Variants in CCDC78 observed in about 807,000 individuals in gnomAD.
CCDC78 encodes coiled-coil domain-containing protein 78.
Under a neutral mutation model 61.9 loss-of-function variants are expected in CCDC78, and 78 were observed. That is an observed-to-expected ratio of 1.26 (90% CI 1.05 to 1.52). The LOEUF (loss-of-function observed/expected upper bound fraction) is 1.52, where lower values mean the gene tolerates loss of function less well. Ranked by LOEUF, CCDC78 falls within the 40% of genes most tolerant of loss-of-function variation. CCDC78 has a pLI of 0.00. For missense variants in CCDC78, 737 were observed against 615.5 expected, an observed-to-expected ratio of 1.20 and a Z score of -2.09; for synonymous variants, 287 against 251.9, an observed-to-expected ratio of 1.14 and a Z score of -1.32.
rs763023973 is a variant in CCDC78 at position 726,358 on chromosome 16, C to T, written c.10G>A (p.Ala4Thr). The change falls in exon 1 of 14, where the codon GCA becomes ACA. Residue 4 changes from alanine (A) to threonine (T), a missense_variant. Physicochemically the swap from Ala to Thr is moderately conservative, Grantham distance 58. Transcript: ENST00000345165. MEHAATTGPRPGPP... is the reference protein window; with the variant it reads MEHTATTGPRPGPP... ...CCAGGCCTGGGGCCTGTGGTGGCTG[C>T]GTGCTCCATAGGCTAGGGAACCCTG... The T allele has an allele frequency of 1.0e-5, 16 of 1,540,098 alleles. No individual in the cohort carries two copies. Among genetic ancestry groups the T allele is most frequent in the South Asian group, 4.8e-5 (4 of 83,672 alleles).
rs778093019 is a variant in CCDC78 at position 722,727 on chromosome 16, C to A, written c.1364G>T (p.Gly455Val). 5.0e-6 allele frequency: 8 copies of A among 1,611,326 alleles called. No individual in the cohort carries two copies. The South Asian group carries it at 7.7e-5, about 15-fold the overall frequency. ...LAGAGDPWKV[G>V]AVPPAKPQHP... ...CTGGGGCTTGGCTGGAGGCACAGCC[C>A]CCACTTTCCAGGGGTCCCCTGCACC... The change falls in exon 14 of 14, where the codon GGG becomes GTG. Residue 455 changes from glycine (G) to valine (V), a missense_variant. Physicochemically the swap from Gly to Val is moderately radical, Grantham distance 109 (BLOSUM62 -3). Transcript: ENST00000345165.
chr16:724,792 G>A lies in CCDC78; in HGVS notation c.654C>T (p.Cys218=). ...CCTCTGCCTGACGGAGCTGGCCTTG[G>A]CAGCTGCACAGCACCTGGGGTGGAA... The part of the protein sequence containing the change: ...LATQAVVLCS[C]QGQLRQAEAE... The change falls in exon 8 of 14, where the codon TGC becomes TGT. Residue 218 remains cysteine (C), a synonymous_variant. Transcript: ENST00000345165. 1 of 1,612,150 alleles carries A rather than the reference G, an allele frequency of 6.2e-7. No homozygotes were observed. The highest frequency in any genetic ancestry group is 8.5e-7 in the Non-Finnish European group (1 of 1,179,808).
chr16:724,082 G>C, intron 10 of CCDC78, 24 bp downstream of exon 10: 3 of 1,572,526 alleles, frequency 1.9e-6, no homozygotes, highest in Non-Finnish European at 2.6e-6. Flanking sequence ...CGGGCCTGGA[G>C]CTTCTGGGGG....
chr16:725,243 C>G lies in CCDC78; in HGVS notation c.486G>C (p.Gly162=), dbSNP rs773273110. The change falls in exon 5 of 14, where the codon GGG becomes GGC. Residue 162 remains glycine, a synonymous_variant. Transcript: ENST00000345165. ...MNPENEQHRL[G]SGLQGEVKWA... ...TAGGTGGCTGCACACTCACGCCGCT[C>G]CCCAGCCTGTGCTGCTCATTCTCGG... 2 of 1,607,970 alleles carry G rather than the reference C, an allele frequency of 1.2e-6. No individual in the cohort carries two copies. Among genetic ancestry groups the G allele is most frequent in the African/African-American group, 2.7e-5 (2 of 74,932 alleles).
rs375855087 is a variant in CCDC78, at chr16:724,359, G to C, written c.916C>G (p.Leu306Val). ...ARSYHKRLVD[L>V]SRRHEELLVA... ...AGTAGCTCTTCATGCCTGCGGCTCAGATCCACCAGCCTCTTGTGGTAGCTG... is the reference window on the plus strand; with the variant it reads ...AGTAGCTCTTCATGCCTGCGGCTCACATCCACCAGCCTCTTGTGGTAGCTG... The change falls in exon 9 of 14, where the codon CTG (leucine) becomes GTG (valine). Residue 306 changes from leucine to valine, a missense_variant. Leu to Val is a conservative substitution (Grantham distance 32). Coordinates refer to ENST00000345165, the MANE Select transcript of CCDC78 (RefSeq NM_001378030.1). The C allele has an allele frequency of 3.1e-6, 5 of 1,612,358 alleles. No homozygotes were observed. The highest frequency in any genetic ancestry group is 4.2e-6 in the Non-Finnish European group (5 of 1,179,890).
chr16:723,818 T>C, intron 11 of CCDC78, 39 bp downstream of exon 11: 1 of 1,536,828 alleles, frequency 6.5e-7, no homozygotes, highest in Non-Finnish European at 8.8e-7. Flanking sequence ...TCTCTGCTCA[T>C]CCCCCACAGG....
At chr16:725,901 G>A (rs755308436) in intron 2 of CCDC78, 21 bp from the exon 3 acceptor site, 24 of 1,600,864 alleles carry the variant, frequency 1.5e-5, no homozygotes, top group Non-Finnish European at 2.0e-5. Flanking sequence ...CCAGGTGAGA[G>A]GTGGCGTCTG....
chr16:724,977 G>A lies in CCDC78; in HGVS notation c.573C>T (p.Gly191=), dbSNP rs200250253. The change falls in exon 7 of 14, where the codon GGC becomes GGT. Residue 191 remains glycine (G), a synonymous_variant. Coordinates refer to ENST00000345165, the MANE Select transcript of CCDC78 (RefSeq NM_001378030.1). The part of the protein sequence containing the change: ...QALVTRVATL[G]RQLQGAREEA... Reference sequence around the variant, plus strand: ...CCTCTCGGGCTCCCTGCAGCTGCCGGCCCAGGGTTGCCCTGAAGACACGGG... The same window carrying A: ...CCTCTCGGGCTCCCTGCAGCTGCCGACCCAGGGTTGCCCTGAAGACACGGG... The A allele has an allele frequency of 6.2e-7, 1 of 1,611,950 alleles. No homozygotes were observed. Among genetic ancestry groups the A allele is most frequent in the East Asian group, 2.2e-5 (1 of 44,868 alleles).
Position 725,838 on chromosome 16 carries a change from G to T in CCDC78, c.223C>A (p.Leu75Ile). ...ATTTCAGCCTCATGCTGCTCATGTA[G>T]GTGGTGGGTTGTGATCTGAATGTCG... ...LVDIQITTHH[L>I]HEQHEAEIFQ... is the part of the protein sequence containing the mutation. Residue 75 changes from leucine (L) to isoleucine (I), a missense_variant, in exon 3 of 14, where the codon CTA becomes ATA. Leu to Ile is a conservative substitution (Grantham distance 5, BLOSUM62 2). Transcript: ENST00000345165. The T allele has an allele frequency of 1.2e-6, 2 of 1,611,564 alleles. No homozygotes were observed. The highest frequency in any genetic ancestry group is 2.2e-5 in the South Asian group (2 of 90,514).
At chr16:725,384 A>G (rs2040787906) in intron 4 of CCDC78, 29 bp downstream of exon 4, 1 of 1,611,986 alleles carries the variant, frequency 6.2e-7, no homozygotes. Flanking sequence ...GGCCTTTCCC[A>G]GCCAGGCTCT....
At position 723,417 on chromosome 16, in the gene CCDC78, G is replaced by A. The variant is rs754343149; in HGVS notation, c.1134-256C>T. On this transcript the variant is annotated intron_variant, in intron 11 of 13. Coordinates refer to ENST00000345165, the MANE Select transcript of CCDC78 (RefSeq NM_001378030.1). Reference sequence around the variant, plus strand: ...AAACCACAAGGCCAGCCCAGACAGTGACTCCAGCATCAACAGGGATGCCAC... The same window carrying A: ...AAACCACAAGGCCAGCCCAGACAGTAACTCCAGCATCAACAGGGATGCCAC... 11 of 698,042 alleles carry A rather than the reference G, an allele frequency of 1.6e-5. No homozygotes were observed. The South Asian group carries it at 1.6e-4, about 10-fold the overall frequency. The allele number at this position is 698,042 out of a possible 1,614,324, so 43.2% of individuals were successfully genotyped here. A position where few individuals can be genotyped will look rare whatever the true frequency, so the allele number is the denominator to read the frequency against.
chr16:725,705 T>C (rs2151570637), intron 3 of CCDC78, 89 bp downstream of exon 3: 1 of 1,570,220 alleles, frequency 6.4e-7, no homozygotes, highest in Non-Finnish European at 8.6e-7. Flanking sequence ...ACAGATGCCA[T>C]GTGCGTGTGC....
In CCDC78 at chr16:725,287, G is replaced by C; in HGVS notation, c.442C>G (p.Pro148Ala). ...TTCTCGGGGTTCATGGTGTTCTTGG[G>C]CTGCACCTGAATGGAAGGGAGGGCA... ...HSDDHRFQVQPKNTMNPENEQ... is the reference protein window; with the variant it reads ...HSDDHRFQVQAKNTMNPENEQ... Residue 148 changes from proline (P) to alanine (A), a missense_variant, in exon 5 of 14, where the codon CCC becomes GCC. Physicochemically the swap from Pro to Ala is conservative, Grantham distance 27 (BLOSUM62 -1). Transcript: ENST00000345165. The C allele has an allele frequency of 1.2e-6, 2 of 1,607,564 alleles. No homozygotes were observed. The highest frequency in any genetic ancestry group is 1.1e-5 in the South Asian group (1 of 91,088).
In CCDC78 at chr16:726,034, C is replaced by A; in HGVS notation, c.112G>T (p.Val38Leu). 1 of 1,548,914 alleles carries A rather than the reference C, an allele frequency of 6.5e-7. No individual in the cohort carries two copies. The highest frequency in any genetic ancestry group is 8.7e-7 in the Non-Finnish European group (1 of 1,146,850). The change falls in exon 2 of 14, where the codon GTG (valine) becomes TTG (leucine). Residue 38 changes from valine to leucine, a missense_variant. Transcript: ENST00000345165. ...TCTGCTTCCAAGCTGGTGGCCCACA[C>A]TGCGGTGCCCCCAGGAGCTCCTGGC... ...WLPGAPGGTA[V>L]WATSLEAEVP...
rs2040612115 is a variant in CCDC78, at chr16:724,319, C to T, written c.953+3G>A. 1.2e-6 allele frequency: 2 copies of T among 1,609,720 alleles called. No individual in the cohort carries two copies. The highest frequency in any genetic ancestry group is 1.3e-5 in the African/African-American group (1 of 75,016). ...TGACACCTCCCATCCCAGCGGGGCCCACCTGTAGGCAACCAGTAGCTCTTC... is the reference window on the plus strand; with the variant it reads ...TGACACCTCCCATCCCAGCGGGGCCTACCTGTAGGCAACCAGTAGCTCTTC... On this transcript the variant is annotated splice_donor_region_variant and intron_variant, in intron 9 of 13. Transcript: ENST00000345165.
At position 726,403 on chromosome 16, in the gene CCDC78, C is replaced by CT. The variant is rs774541646; in HGVS notation, c.-37dup. Reference sequence around the variant, plus strand: ...ACCCTGGCCAGCTCCGAGCCCGGTGCTGCCTCCACGCCCGGCTTCCCCATG... The same window carrying CT: ...ACCCTGGCCAGCTCCGAGCCCGGTGCTTGCCTCCACGCCCGGCTTCCCCATG... On this transcript the variant is annotated 5_prime_UTR_variant, in exon 1 of 14. An upstream open reading frame in the 5' UTR loses its in-frame stop. Transcript: ENST00000345165. 142 of 1,510,654 alleles carry CT rather than the reference C, an allele frequency of 9.4e-5. No homozygotes were observed. Among genetic ancestry groups the CT allele is most frequent in the Non-Finnish European group, 1.1e-4 (126 of 1,138,950 alleles). 93.6% of individuals were successfully genotyped at this position (1,510,654 alleles called of 1,614,324 possible).
intron 8 of CCDC78, 41 bp downstream of exon 8, chr16:724,640 C>G: frequency 6.3e-7 from 1 of 1,596,986 alleles, no homozygotes; most frequent in Non-Finnish European, 8.5e-7. Context: ...CCAGGCCAGG[C>G]TTGGGCTCCC....
rs548607734 is a variant in CCDC78, at chr16:722,868, C to G, written c.1301+54G>C. 6.2e-6 allele frequency: 10 copies of G among 1,609,182 alleles called. No homozygotes were observed. The African/African-American group carries it at 9.3e-5, about 15-fold the overall frequency. On this transcript the variant is annotated intron_variant, in intron 13 of 13. Transcript: ENST00000345165. ...TTTAGCGCCTGAGGCAGCCATCATC[C>G]TTCATTCCAACCAGACCAGGGCCCT...
In CCDC78 at chr16:725,217, C is replaced by T. The variant is rs532125996; in HGVS notation, c.492+20G>A. The T allele has an allele frequency of 1.2e-6, 2 of 1,610,070 alleles. No homozygotes were observed. Among genetic ancestry groups the T allele is most frequent in the South Asian group, 2.2e-5 (2 of 91,084 alleles). ...CTCTGGTGCTGCCCTCTCCCCTGAGCTAGGTGGCTGCACACTCACGCCGCT... is the reference window on the plus strand; with the variant it reads ...CTCTGGTGCTGCCCTCTCCCCTGAGTTAGGTGGCTGCACACTCACGCCGCT... On this transcript the variant is annotated intron_variant, in intron 5 of 13. Coordinates refer to ENST00000345165, the MANE Select transcript of CCDC78 (RefSeq NM_001378030.1).
Sources: gnomAD v4.1 joint callset for allele counts on GRCh38, gnomAD v4.1.1 for gene constraint, MANE v1.5 for transcripts, NCBI Gene and HGNC (gene_info 2026-07-23, HGNC 2026-07-21) for gene names.